Variants in WWOX observed in about 807,000 individuals in gnomAD.
WWOX encodes the protein WW domain-containing oxidoreductase.
Under a neutral mutation model 46.2 loss-of-function variants are expected in WWOX, and 69 were observed. The ratio of observed to expected loss-of-function variants is 1.49; its 90% CI spans 1.23 to 1.82. WWOX has a LOEUF of 1.82. Among genes scored for constraint, WWOX ranks in the 40% most tolerant of loss-of-function variants. The pLI is 0.00. For synonymous variants in WWOX, 359 were observed against 202.6 expected (o/e 1.77, Z -6.56); for missense variants, 919 against 542.6 (o/e 1.69, Z -6.89).
chr16:78,716,594 C>T lies in WWOX; in HGVS notation c.1056+283842C>T, dbSNP rs1255257656. On this transcript the variant is annotated intron_variant, in intron 8 of 8. Transcript: ENST00000566780. ...CTTCCCAGCCCCTGCCAGGCAAGTT[C>T]GTGTGGTTCTGTGATAACCCTCATC... Among the ~76,000 whole-genome samples, 5 of 152,182 alleles carry T rather than the reference C, an allele frequency of 3.3e-5. No individual in the cohort carries two copies. In the East Asian group the frequency reaches 5.8e-4, roughly 18 times the overall value.
intron 8 of WWOX, among the ~76,000 whole-genome samples, chr16:78,676,592 T>C (rs984362302): frequency 3.3e-5 from 5 of 152,312 alleles, no homozygotes; most frequent in Admixed American, 1.3e-4. Context: ...TCGGGCACTC[T>C]GCTCAGTGCA....
chr16:78,797,783 C>T (rs2050782511), intron 8 of WWOX, among the ~76,000 whole-genome samples: 1 of 152,126 alleles, frequency 6.6e-6, no homozygotes, highest in East Asian at 1.9e-4. Context: ...AGGCTAGGAG[C>T]TCGAGAACAG....
chr16:78,877,289 GA>G (rs2044253483), intron 8 of WWOX, among the ~76,000 whole-genome samples: 1 of 144,296 alleles, frequency 6.9e-6, no homozygotes, highest in Non-Finnish European at 1.5e-5. Flanking sequence ...CCCCCCCTCT[GA>G]CCCGCCTGCC....
chr16:79,206,925 C>A (rs374851802), intron 8 of WWOX, among the ~76,000 whole-genome samples: 7 of 152,180 alleles, frequency 4.6e-5, no homozygotes, highest in East Asian at 1.9e-4. Flanking sequence ...GAACAAGTGG[C>A]CTTTTGGAGC....
intron 8 of WWOX, among the ~76,000 whole-genome samples, chr16:78,972,702 C>A (rs993982804): frequency 6.6e-6 from 1 of 152,212 alleles, no homozygotes; most frequent in African/African-American, 2.4e-5. Context: ...CTGCCTTCTC[C>A]TCCCTGACCT....
intron 5 of WWOX, among the ~76,000 whole-genome samples, chr16:78,238,756 A>G (rs956002769): frequency 6.6e-6 from 1 of 151,902 alleles, no homozygotes; most frequent in Admixed American, 6.6e-5. Flanking sequence ...AGTAGCTGGG[A>G]TTACAGACAT....
chr16:78,833,722 C>T (rs1021557917), intron 8 of WWOX, among the ~76,000 whole-genome samples: 2 of 152,222 alleles, frequency 1.3e-5, no homozygotes, highest in Admixed American at 1.3e-4. Flanking sequence ...ACCTCAGCAT[C>T]CTCTGTGAAA....
chr16:78,481,359 T>A (rs888903648), intron 8 of WWOX, among the ~76,000 whole-genome samples: 5 of 152,196 alleles, frequency 3.3e-5, no homozygotes, highest in Non-Finnish European at 2.9e-5. Flanking sequence ...CTACTCTGTT[T>A]ATCCTCTGCC....
At chr16:78,335,722 A>T (rs574253647) in intron 5 of WWOX, among the ~76,000 whole-genome samples, 1 of 152,316 alleles carries the variant, frequency 6.6e-6, no homozygotes, top group South Asian at 2.1e-4. Flanking sequence ...CAAGTCTTCC[A>T]TGTGATTCTG....
intron 5 of WWOX, among the ~76,000 whole-genome samples, chr16:78,182,736 A>C (rs1354464935): frequency 6.6e-6 from 1 of 151,924 alleles, no homozygotes. Flanking sequence ...GTGGATCACG[A>C]GGTCAGGAGA....
intron 8 of WWOX, among the ~76,000 whole-genome samples, chr16:79,008,174 G>A (rs1322311102): frequency 6.6e-6 from 1 of 152,068 alleles, no homozygotes; most frequent in Non-Finnish European, 1.5e-5. Context: ...TTGACTGAGG[G>A]CCCCTTGCAG....
chr16:78,330,657 A>G (rs2080734604), intron 5 of WWOX, among the ~76,000 whole-genome samples: 1 of 152,210 alleles, frequency 6.6e-6, no homozygotes, highest in African/African-American at 2.4e-5. Context: ...GGCCTCCCAT[A>G]GTGCTGGGAT....
At chr16:78,345,770 A>G (rs1177409218) in intron 5 of WWOX, among the ~76,000 whole-genome samples, 1 of 118,844 alleles carries the variant, frequency 8.4e-6, no homozygotes, top group Non-Finnish European at 2.0e-5. Flanking sequence ...AGAGTGGGCC[A>G]TTTGAATGCT....
chr16:79,040,296 A>G (rs1035813671), intron 8 of WWOX, among the ~76,000 whole-genome samples: 1 of 131,508 alleles, frequency 7.6e-6, no homozygotes, highest in African/African-American at 2.9e-5. Flanking sequence ...TTTTTTTGAG[A>G]CAAGGTCTCA....
intron 8 of WWOX, among the ~76,000 whole-genome samples, chr16:78,437,920 A>G (rs1251109490): frequency 6.6e-6 from 1 of 152,154 alleles, no homozygotes; most frequent in African/African-American, 2.4e-5. Flanking sequence ...TTTGGTAAGA[A>G]CTTTCGAGTT....
At chr16:78,910,597 A>G (rs1419245489) in intron 8 of WWOX, among the ~76,000 whole-genome samples, 1 of 151,832 alleles carries the variant, frequency 6.6e-6, no homozygotes. Context: ...TTTATAAAGG[A>G]AAGAGGTTTA....
chr16:78,599,116 T>C (rs2045561916), intron 8 of WWOX, among the ~76,000 whole-genome samples: 1 of 152,148 alleles, frequency 6.6e-6, no homozygotes, highest in East Asian at 1.9e-4. Context: ...CTCAAGCTGC[T>C]CTCAGCTAAA....
intron 8 of WWOX, among the ~76,000 whole-genome samples, chr16:78,935,469 G>A (rs1245623920): frequency 6.6e-6 from 1 of 152,050 alleles, no homozygotes; most frequent in Non-Finnish European, 1.5e-5. Flanking sequence ...CATGGATGAA[G>A]CTGGAAACCA....
At chr16:78,245,534 A>C (rs1054226068) in intron 5 of WWOX, among the ~76,000 whole-genome samples, 1 of 152,210 alleles carries the variant, frequency 6.6e-6, no homozygotes, top group Non-Finnish European at 1.5e-5. Context: ...GGACAGGAAT[A>C]AGTGGGCCTT....
Sources: gnomAD v4.1 joint callset for allele counts (sites outside exome capture counted in the v4.1 genomes callset) on GRCh38, gnomAD v4.1.1 for gene constraint, MANE v1.5 for transcripts, NCBI Gene and HGNC (gene_info 2026-07-23, HGNC 2026-07-21) for gene names.